Variants in EBF1 observed in about 807,000 individuals in gnomAD.
The protein encoded by EBF1 is transcription factor COE1.
Under a neutral mutation model 68.4 loss-of-function variants are expected in EBF1, and 10 were observed. The observed-to-expected ratio is 0.15, with a 90% confidence interval of 0.09 to 0.25. EBF1 has a LOEUF of 0.25. Ranked by LOEUF, EBF1 falls within the 10% of genes least tolerant of loss-of-function variation. The pLI is 1.00. For missense variants in EBF1, 509 were observed against 794.4 expected (o/e 0.64, Z 4.32); for synonymous variants, 298 against 299.8 (o/e 0.99, Z 0.06).
chr5:159,048,886 C>T (rs1289285212), intron 6 of EBF1, among the ~76,000 whole-genome samples: 2 of 152,196 alleles, frequency 1.3e-5, no homozygotes, highest in Non-Finnish European at 2.9e-5. Context: ...CTGAGGACAT[C>T]TGTGGATGTT....
At chr5:158,938,593 G>T (rs1812576359) in intron 6 of EBF1, among the ~76,000 whole-genome samples, 1 of 152,266 alleles carries the variant, frequency 6.6e-6, no homozygotes, top group Admixed American at 6.5e-5. Flanking sequence ...GGGTGCTGCA[G>T]ATTCAATATC....
In EBF1 at chr5:158,699,085, TAATACAATTCTTCAAGGCA is replaced by T; in HGVS notation, c.*7_*25del. The T allele has an allele frequency of 6.3e-7, 1 of 1,594,924 alleles. No individual in the cohort carries two copies. Among genetic ancestry groups the T allele is most frequent in the Non-Finnish European group, 8.5e-7 (1 of 1,171,642 alleles). ...CTGTAGCAGAATCCAACCTCTTCAT[TAATACAATTCTTCAAGGCA>T]ATTCTTTCACATAGGAGGAACAATC... On this transcript the variant is annotated 3_prime_UTR_variant, in exon 16 of 16. Transcript: ENST00000313708.
intron 1 of EBF1, among the ~76,000 whole-genome samples, chr5:159,098,755 A>G (rs1171849882): frequency 6.8e-6 from 1 of 147,560 alleles, no homozygotes; most frequent in Non-Finnish European, 1.5e-5. Flanking sequence ...AGGAGGGAAG[A>G]GGGGAAGAAA....
At chr5:158,709,595 A>G (rs538686037) in intron 14 of EBF1, among the ~76,000 whole-genome samples, 1 of 152,248 alleles carries the variant, frequency 6.6e-6, no homozygotes, top group Non-Finnish European at 1.5e-5. Flanking sequence ...AACAATTGCC[A>G]TCAGGGGAAA....
intron 6 of EBF1, among the ~76,000 whole-genome samples, chr5:158,909,517 A>G (rs891060293): frequency 1.3e-4 from 20 of 152,176 alleles, no homozygotes; most frequent in African/African-American, 4.6e-4. Context: ...GGGGAATCAA[A>G]ACTCATGCTG....
At chr5:158,765,960 T>C (rs965149952) in intron 10 of EBF1, among the ~76,000 whole-genome samples, 10 of 152,204 alleles carry the variant, frequency 6.6e-5, no homozygotes, top group African/African-American at 2.4e-4. Context: ...GCAGATCCCC[T>C]GCCCTCCAAA....
At chr5:158,754,588 A>G (rs1769643070) in intron 10 of EBF1, among the ~76,000 whole-genome samples, 1 of 152,168 alleles carries the variant, frequency 6.6e-6, no homozygotes, top group Non-Finnish European at 1.5e-5. Context: ...TCATTCATTC[A>G]TTTATTTATT....
chr5:158,862,327 C>T (rs945661448), intron 6 of EBF1, among the ~76,000 whole-genome samples: 1 of 152,000 alleles, frequency 6.6e-6, no homozygotes, highest in Admixed American at 6.6e-5. Context: ...AAGTTGGGTT[C>T]CAGGGACATC....
At chr5:158,915,715 A>G (rs1367405343) in intron 6 of EBF1, among the ~76,000 whole-genome samples, 1 of 152,210 alleles carries the variant, frequency 6.6e-6, no homozygotes, top group Non-Finnish European at 1.5e-5. Flanking sequence ...GGTTAGTGCT[A>G]CAAGAGAATT....
chr5:158,705,783 C>A (rs1023375484), intron 15 of EBF1, among the ~76,000 whole-genome samples: 5 of 152,194 alleles, frequency 3.3e-5, no homozygotes, highest in Admixed American at 1.3e-4. Context: ...AGACATCGGG[C>A]CTCCTGGGAG....
intron 8 of EBF1, among the ~76,000 whole-genome samples, chr5:158,797,507 G>C (rs1000812391): frequency 6.6e-6 from 1 of 152,132 alleles, no homozygotes; most frequent in African/African-American, 2.4e-5. Context: ...AGTTTATTAA[G>C]TATCCAAGAC....
intron 6 of EBF1, among the ~76,000 whole-genome samples, chr5:159,029,642 A>C (rs1460486290): frequency 6.6e-6 from 1 of 152,168 alleles, no homozygotes; most frequent in African/African-American, 2.4e-5. Flanking sequence ...TACTATCTTA[A>C]AGAAATGATC....
chr5:158,871,035 G>A (rs765289452), intron 6 of EBF1, among the ~76,000 whole-genome samples: 1 of 152,134 alleles, frequency 6.6e-6, no homozygotes, highest in Non-Finnish European at 1.5e-5. Context: ...ACTCTAATAC[G>A]ACAGAAGGAA....
At chr5:159,097,226 T>A in intron 1 of EBF1, 96 bp from the exon 2 acceptor site, 1 of 1,378,736 alleles carries the variant, frequency 7.3e-7, no homozygotes, top group Non-Finnish European at 9.7e-7. Context: ...AACACCCACC[T>A]CCTCTTCCCC....
At chr5:158,873,820 A>G (rs1201845306) in intron 6 of EBF1, among the ~76,000 whole-genome samples, 1 of 152,224 alleles carries the variant, frequency 6.6e-6, no homozygotes, top group East Asian at 1.9e-4. Context: ...CTATTTAAAG[A>G]CACCTACAGG....
chr5:158,781,078 A>C (rs1776368954), intron 9 of EBF1, among the ~76,000 whole-genome samples: 1 of 152,200 alleles, frequency 6.6e-6, no homozygotes, highest in African/African-American at 2.4e-5. Context: ...AATAATCATA[A>C]GACGTAAGAC....
At chr5:158,864,691 G>C (rs1210643504) in intron 6 of EBF1, among the ~76,000 whole-genome samples, 1 of 152,224 alleles carries the variant, frequency 6.6e-6, no homozygotes, top group East Asian at 1.9e-4. Flanking sequence ...GATGGAAAGT[G>C]ATGGTTCCTA....
intron 10 of EBF1, among the ~76,000 whole-genome samples, chr5:158,774,715 G>A (rs1774714177): frequency 6.6e-6 from 1 of 152,128 alleles, no homozygotes; most frequent in Non-Finnish European, 1.5e-5. Context: ...ATTAAGTGGT[G>A]ACAGCAGAGG....
At chr5:159,093,219 C>T (rs950034907) in intron 4 of EBF1, among the ~76,000 whole-genome samples, 4 of 152,144 alleles carry the variant, frequency 2.6e-5, no homozygotes, top group African/African-American at 9.7e-5. Flanking sequence ...AATCAAAGAA[C>T]AAGCAATTGG....
Sources: gnomAD v4.1 joint callset for allele counts (sites outside exome capture counted in the v4.1 genomes callset) on GRCh38, gnomAD v4.1.1 for gene constraint, MANE v1.5 for transcripts, NCBI Gene and HGNC (gene_info 2026-07-23, HGNC 2026-07-21) for gene names.